The following STK24 variants were observed in gnomAD, a reference collection of about 807,000 sequenced individuals.
STK24 encodes serine/threonine-protein kinase 24.
In STK24, 21 loss-of-function variants were observed where a neutral mutation model predicts 55.6. That is an observed-to-expected ratio of 0.38 (90% CI 0.27 to 0.54). STK24 has a LOEUF of 0.54. Among genes scored for constraint, STK24 ranks in the 20% least tolerant of loss-of-function variants. The pLI, the probability that STK24 is intolerant of heterozygous loss-of-function variation, is 0.79. For synonymous variants in STK24, 200 were observed against 215.2 expected, an observed-to-expected ratio of 0.93 and a Z score of 0.62; for missense variants, 383 against 538.4, an observed-to-expected ratio of 0.71 and a Z score of 2.86.
chr13:98,574,862 G>A (rs1897839405), intron 1 of STK24, among the ~76,000 whole-genome samples: 2 of 151,744 alleles, frequency 1.3e-5, no homozygotes, highest in South Asian at 2.1e-4. Flanking sequence ...AAAAAAGTGA[G>A]GATAAAAATG....
At chr13:98,576,651 C>A (rs1897904357) in intron 1 of STK24, 94 bp downstream of exon 1, 1 of 1,148,064 alleles carries the variant, frequency 8.7e-7, no homozygotes, top group South Asian at 1.5e-5. Context: ...GCGACCCCGG[C>A]CGGCTGAGCG....
At chr13:98,557,154 A>C (rs945785) in intron 1 of STK24, among the ~76,000 whole-genome samples, 2 of 152,136 alleles carry the variant, frequency 1.3e-5, no homozygotes, top group African/African-American at 2.4e-5. Context: ...TCTGAAACAC[A>C]GGCTACTCCC....
intron 6 of STK24, 64 bp from the exon 7 acceptor site, chr13:98,463,900 G>A: frequency 6.4e-7 from 1 of 1,562,198 alleles, no homozygotes; most frequent in East Asian, 2.3e-5. Flanking sequence ...CCAAAGGACA[G>A]ACTTCTGCCT....
At chr13:98,516,519 C>T (rs1425980245) in intron 2 of STK24, among the ~76,000 whole-genome samples, 2 of 152,176 alleles carry the variant, frequency 1.3e-5, no homozygotes, top group East Asian at 3.9e-4. Flanking sequence ...TATTCAATGA[C>T]ATTTCTTAGC....
chr13:98,524,427 C>T lies in STK24; in HGVS notation c.43-4954G>A, dbSNP rs544710171. 6.6e-5 allele frequency among the ~76,000 whole-genome samples: 10 copies of T among 152,288 alleles called. No homozygotes were observed. In the East Asian group the frequency reaches 1.7e-3, roughly 26 times the overall value. ...CCTGTTCTAGACACTGGAGAGGCCA[C>T]GTGGAAGAGAGCACGGCACCGGATA... On this transcript the variant is annotated intron_variant, in intron 1 of 10. Coordinates refer to ENST00000539966, the MANE Select transcript of STK24 (RefSeq NM_001032296.4).
At chr13:98,459,946 A>G (rs1273815515) in intron 9 of STK24, among the ~76,000 whole-genome samples, 1 of 152,178 alleles carries the variant, frequency 6.6e-6, no homozygotes, top group Non-Finnish European at 1.5e-5. Context: ...AGCACTGCTG[A>G]GCAGAGGAGG....
intron 1 of STK24, among the ~76,000 whole-genome samples, chr13:98,570,034 G>A (rs904482933): frequency 1.4e-4 from 21 of 151,336 alleles, no homozygotes; most frequent in Non-Finnish European, 2.7e-4. Context: ...CCACCACCAC[G>A]CCCAGCTGTT....
At chr13:98,475,888 AG>A (rs1300329283) in intron 3 of STK24, among the ~76,000 whole-genome samples, 2 of 151,926 alleles carry the variant, frequency 1.3e-5, no homozygotes, top group Non-Finnish European at 2.9e-5. Flanking sequence ...CACCCAGGAA[AG>A]AAGGCCTAGG....
Position 98,475,256 on chromosome 13 carries a change from T to G in STK24, c.433A>C (p.Ile145Leu). 6.2e-7 allele frequency: 1 copy of G among 1,608,528 alleles called. No individual in the cohort carries two copies. Residue 145 changes from isoleucine to leucine, a missense_variant, in exon 4 of 11, where the codon ATT (isoleucine) becomes CTT (leucine). By Grantham distance (5) the Ile-to-Leu change is conservative. Transcript: ENST00000539966. The stretch of plus-strand genomic sequence containing the variant: ...AAAACGGATGTCCTCTTACCTTTAA[T>G]GTCTCTGTGGATTTTCTTCTCCGAA... ...LHSEKKIHRD[I>L]KAANVLLSEH...
At chr13:98,534,662 G>A (rs1273400629) in intron 1 of STK24, among the ~76,000 whole-genome samples, 1 of 152,134 alleles carries the variant, frequency 6.6e-6, no homozygotes, top group East Asian at 1.9e-4. Context: ...GTGTTCTGAT[G>A]CACCAGCTAG....
chr13:98,446,154 G>A lies in STK24; in HGVS notation c.*7019C>T, dbSNP rs1892821505. 2 of 1,614,140 alleles carry A rather than the reference G, an allele frequency of 1.2e-6. No individual in the cohort carries two copies. Among genetic ancestry groups the A allele is most frequent in the African/African-American group, 1.3e-5 (1 of 75,078 alleles). On this transcript the variant is annotated 3_prime_UTR_variant, in exon 11 of 11. Transcript: ENST00000539966. ...TCAAAAACAGCAACGGGTGGCAGAA[G>A]CTGTGGGTGGTGTTCACAAACTTCT...
At chr13:98,497,077 G>A (rs556357801) in intron 2 of STK24, among the ~76,000 whole-genome samples, 11 of 152,280 alleles carry the variant, frequency 7.2e-5, no homozygotes, top group Non-Finnish European at 1.5e-4. Context: ...GTGCCCAGCA[G>A]CCCCAGGGAC....
chr13:98,523,366 G>C (rs1460315984), intron 1 of STK24, among the ~76,000 whole-genome samples: 1 of 152,184 alleles, frequency 6.6e-6, no homozygotes, highest in Non-Finnish European at 1.5e-5. Context: ...GTGGGAGACT[G>C]TTACAAAAAT....
chr13:98,576,135 G>C (rs1344913735), intron 1 of STK24: 2 of 984,994 alleles, frequency 2.0e-6, no homozygotes, highest in African/African-American at 3.5e-5. Context: ...TTTGCAACTC[G>C]CACTTTCCCC....
intron 2 of STK24, among the ~76,000 whole-genome samples, chr13:98,487,954 G>A (rs1894867035): frequency 6.6e-6 from 1 of 152,050 alleles, no homozygotes; most frequent in Non-Finnish European, 1.5e-5. Context: ...ATGCCACAGT[G>A]TCATCAAGTT....
chr13:98,515,818 T>TG (rs1896038386), intron 2 of STK24, among the ~76,000 whole-genome samples: 1 of 152,212 alleles, frequency 6.6e-6, no homozygotes, highest in Non-Finnish European at 1.5e-5. Flanking sequence ...TTCTTTGTCC[T>TG]GGCCTGCTAT....
chr13:98,502,739 G>A (rs1895523136), intron 2 of STK24, among the ~76,000 whole-genome samples: 1 of 152,170 alleles, frequency 6.6e-6, no homozygotes, highest in South Asian at 2.1e-4. Context: ...GGCCTTTTCA[G>A]CCTCCAGAAC....
intron 1 of STK24, among the ~76,000 whole-genome samples, chr13:98,558,373 C>G (rs1291169659): frequency 6.6e-6 from 1 of 152,174 alleles, no homozygotes; most frequent in Non-Finnish European, 1.5e-5. Flanking sequence ...TTCATGGGAA[C>G]TACTGAACCC....
chr13:98,492,404 G>A (rs1202509189), intron 2 of STK24, among the ~76,000 whole-genome samples: 1 of 152,048 alleles, frequency 6.6e-6, no homozygotes, highest in Non-Finnish European at 1.5e-5. Context: ...CCCTTTCTAG[G>A]GGAGGAAAAA....
Sources: gnomAD v4.1 joint callset for allele counts (sites outside exome capture counted in the v4.1 genomes callset) on GRCh38, gnomAD v4.1.1 for gene constraint, MANE v1.5 for transcripts, NCBI Gene and HGNC (gene_info 2026-07-23, HGNC 2026-07-21) for gene names.